The following ZNF221 variants were observed in gnomAD, a reference collection of about 807,000 sequenced individuals.
ZNF221 encodes zinc finger protein 221.
ZNF221 carries 10 observed loss-of-function variants against 12.6 expected under a neutral mutation model. That is an observed-to-expected ratio of 0.79 (90% CI 0.49 to 1.34). The LOEUF (loss-of-function observed/expected upper bound fraction) is 1.34. Among genes scored for constraint, ZNF221 ranks in the 40% most tolerant of loss-of-function variants. The pLI is 0.00. For synonymous variants in ZNF221, 232 were observed against 244.0 expected (o/e 0.95, Z 0.46); for missense variants, 661 against 721.4 (o/e 0.92, Z 0.96).
At chr19:43,963,394 G>A (rs1039672053) in intron 2 of ZNF221, among the ~76,000 whole-genome samples, 2 of 152,142 alleles carry the variant, frequency 1.3e-5, no homozygotes, top group Non-Finnish European at 2.9e-5. Context: ...TTTTATAGAT[G>A]GTAGATTATT....
At chr19:43,961,548 T>C (rs1314363852) in intron 1 of ZNF221, among the ~76,000 whole-genome samples, 4 of 152,178 alleles carry the variant, frequency 2.6e-5, no homozygotes, top group Non-Finnish European at 5.9e-5. Context: ...TTAATTCTGT[T>C]ACCTATTAGA....
At chr19:43,974,718 TAAA>T in the ZNF221 span, among the ~76,000 whole-genome samples, 1 of 57,184 alleles carries the variant, frequency 1.7e-5, no homozygotes, top group African/African-American at 3.8e-5. Context: ...ATGGCAATTA[TAAA>T]AAAGTAAAAA....
intron 1 of ZNF221, among the ~76,000 whole-genome samples, chr19:43,952,255 A>G (rs1162132718): frequency 6.6e-6 from 1 of 152,132 alleles, no homozygotes; most frequent in African/African-American, 2.4e-5. Context: ...TTTTGTCAAG[A>G]GTGGTGACAC....
At chr19:43,962,394 G>C (rs1568476611) in intron 1 of ZNF221, among the ~76,000 whole-genome samples, 1 of 152,024 alleles carries the variant, frequency 6.6e-6, no homozygotes, top group Non-Finnish European at 1.5e-5. Flanking sequence ...GCTTATTCTG[G>C]ATATTTTATA....
the ZNF221 span, among the ~76,000 whole-genome samples, chr19:43,980,110 A>G: frequency 9.7e-3 from 1,471 of 152,340 alleles, 27 homozygotes; most frequent in African/African-American, 0.032. Flanking sequence ...AGATGAGGAC[A>G]AGGCATCAAA....
In ZNF221 at chr19:43,966,691, A is replaced by G; in HGVS notation, c.1189A>G (p.Lys397Glu). 5 of 1,614,242 alleles carry G rather than the reference A, an allele frequency of 3.1e-6. No individual in the cohort carries two copies. The highest frequency in any genetic ancestry group is 4.2e-6 in the Non-Finnish European group (5 of 1,180,042). The change falls in exon 5 of 5, where the codon AAA becomes GAA. Residue 397 changes from lysine (K) to glutamate (E), a missense_variant. Coordinates refer to ENST00000587682, the MANE Select transcript of ZNF221 (RefSeq NM_001297588.2). ...VHTGEKPYNCKECGKTFRWSS... is the reference protein window; with the variant it reads ...VHTGEKPYNCEECGKTFRWSS... Reference sequence around the variant, plus strand: ...CACAGGAGAGAAACCATATAATTGTAAAGAATGTGGGAAGACCTTCAGATG... The same window carrying G: ...CACAGGAGAGAAACCATATAATTGTGAAGAATGTGGGAAGACCTTCAGATG...
downstream of ZNF221, among the ~76,000 whole-genome samples, chr19:43,971,645 T>TA (rs55735919): frequency 3.4e-5 from 5 of 148,576 alleles, no homozygotes; most frequent in Admixed American, 2.7e-4. Context: ...CCAACAAAGA[T>TA]AAAAAAAAAA....
Position 43,967,272 on chromosome 19 carries a change from G to A in ZNF221, c.1770G>A (p.Leu590=), listed in dbSNP as rs140910514. The A allele has an allele frequency of 1.7e-5, 28 of 1,613,184 alleles. No homozygotes were observed. The African/African-American group carries it at 1.9e-4, about 11-fold the overall frequency. The change falls in exon 5 of 5, where the codon TTG becomes TTA. Residue 590 remains leucine (L), a synonymous_variant. Transcript: ENST00000587682. The stretch of plus-strand genomic sequence containing the variant: ...GACTCCACAGTGGAGAAAAGCCATT[G>A]AAATCTGGAGTGTGGGAAGAGATCT... The part of the protein sequence containing the change: ...HQRLHSGEKP[L]KSGVWEEIYS...
chr19:43,974,869 CA>C, the ZNF221 span, among the ~76,000 whole-genome samples: 1 of 151,850 alleles, frequency 6.6e-6, no homozygotes, highest in South Asian at 2.1e-4. Flanking sequence ...ACTAAAAATA[CA>C]AAAAATTAGC....
At chr19:43,972,861 C>A in the ZNF221 span, among the ~76,000 whole-genome samples, 2 of 149,780 alleles carry the variant, frequency 1.3e-5, no homozygotes, top group African/African-American at 2.4e-5. Context: ...GAAACTATTC[C>A]AAACAATTGA....
rs1289919591 is a variant in ZNF221, at chr19:43,967,439, A to C, written c.*83A>C. On this transcript the variant is annotated 3_prime_UTR_variant, in exon 5 of 5. Transcript: ENST00000587682. ...CTCCACAGCAGAGAAAAACCATTCA[A>C]ATATGAGAACTGTGGGAAGAGCTTT... 3 of 1,067,474 alleles carry C rather than the reference A, an allele frequency of 2.8e-6. No individual in the cohort carries two copies. The highest frequency in any genetic ancestry group is 4.1e-6 in the Non-Finnish European group (3 of 726,750). 66.1% of individuals were successfully genotyped at this position (1,067,474 alleles called of 1,614,324 possible).
Position 43,957,895 on chromosome 19 carries a change from A to G in ZNF221, c.-2-4830A>G, listed in dbSNP as rs180750826. 4.1e-3 allele frequency among the ~76,000 whole-genome samples: 623 copies of G among 152,342 alleles called. 5 individuals are homozygous for G. Among genetic ancestry groups the G allele is most frequent in the African/African-American group, 0.014 (587 of 41,574 alleles). On this transcript the variant is annotated intron_variant, in intron 1 of 4. Coordinates refer to ENST00000587682, the MANE Select transcript of ZNF221 (RefSeq NM_001297588.2). ...GTCTTGTGAATTGCAATCAAGAAGT[A>G]CAGATCTAGCAGTCAGCTAAATCAT...
chr19:43,958,720 A>G (rs536214781), intron 1 of ZNF221, among the ~76,000 whole-genome samples: 1 of 152,374 alleles, frequency 6.6e-6, no homozygotes, highest in South Asian at 2.1e-4. Context: ...AGCATTTTCT[A>G]TACAAGATTA....
At chr19:43,974,184 G>A in the ZNF221 span, among the ~76,000 whole-genome samples, 4 of 152,034 alleles carry the variant, frequency 2.6e-5, no homozygotes, top group Admixed American at 1.3e-4. Flanking sequence ...GGTGCTGGGA[G>A]AACTGGCTAG....
intron 1 of ZNF221, among the ~76,000 whole-genome samples, chr19:43,954,942 G>T (rs781602480): frequency 5.3e-5 from 8 of 152,092 alleles, no homozygotes; most frequent in South Asian, 4.1e-4. Flanking sequence ...GCACACACTT[G>T]CGAAGGTGTG....
downstream of ZNF221, among the ~76,000 whole-genome samples, chr19:43,968,821 T>G (rs954371717): frequency 2.0e-5 from 3 of 152,114 alleles, no homozygotes; most frequent in Non-Finnish European, 4.4e-5. Context: ...CAGTGAGTGA[T>G]TGTGCGACCC....
the ZNF221 span, among the ~76,000 whole-genome samples, chr19:43,974,140 A>T: frequency 6.6e-6 from 1 of 152,226 alleles, no homozygotes; most frequent in Admixed American, 6.5e-5. Flanking sequence ...TGACAAAAAC[A>T]AGCAGTGGGG....
Position 43,966,289 on chromosome 19 carries a change from T to C in ZNF221, c.787T>C (p.Phe263Leu), listed in dbSNP as rs915945040. The change falls in exon 5 of 5, where the codon TTC (phenylalanine) becomes CTC (leucine). Residue 263 changes from phenylalanine to leucine, a missense_variant. Physicochemically the swap from Phe to Leu is conservative, Grantham distance 22. Coordinates refer to ENST00000587682, the MANE Select transcript of ZNF221 (RefSeq NM_001297588.2). ...CAAATGTGGGCAATGTGGGAAAGGC[T>C]TCCATAGTAGATCAGCACTTAATGT... is the stretch of plus-strand genomic sequence containing the variant. ...PFKCGQCGKG[F>L]HSRSALNVHC... The C allele has an allele frequency of 6.2e-7, 1 of 1,613,316 alleles. No individual in the cohort carries two copies. The highest frequency in any genetic ancestry group is 1.3e-5 in the African/African-American group (1 of 75,040).
At chr19:43,953,344 G>A (rs1445036126) in intron 1 of ZNF221, among the ~76,000 whole-genome samples, 1 of 151,924 alleles carries the variant, frequency 6.6e-6, no homozygotes, top group African/African-American at 2.4e-5. Flanking sequence ...CAAGGCATGT[G>A]GGAAGGGATG....
Sources: gnomAD v4.1 joint callset for allele counts (sites outside exome capture counted in the v4.1 genomes callset) on GRCh38, gnomAD v4.1.1 for gene constraint, MANE v1.5 for transcripts, NCBI Gene and HGNC (gene_info 2026-07-23, HGNC 2026-07-21) for gene names.